Variants in SLC6A6 observed in about 807,000 individuals in gnomAD.
SLC6A6 encodes the protein solute carrier family 6 member 6, also known as sodium- and chloride-dependent taurine transporter.
SLC6A6 carries 16 observed loss-of-function variants against 68.8 expected under a neutral mutation model. That is an observed-to-expected ratio of 0.23 (90% CI 0.16 to 0.35). The LOEUF (loss-of-function observed/expected upper bound fraction) is 0.35. Among genes scored for constraint, SLC6A6 ranks in the 10% least tolerant of loss-of-function variants. The probability of loss-of-function intolerance (pLI) is 1.00; values close to 1 mark genes in which losing one functional copy is unlikely to be tolerated. For synonymous variants in SLC6A6, 312 were observed against 315.4 expected, an observed-to-expected ratio of 0.99 and a Z score of 0.12; for missense variants, 474 against 802.8, an observed-to-expected ratio of 0.59 and a Z score of 4.95.
chr3:14,455,799 A>T (rs1157448513), intron 5 of SLC6A6, among the ~76,000 whole-genome samples: 1 of 151,962 alleles, frequency 6.6e-6, no homozygotes, highest in African/African-American at 2.4e-5. Context: ...GGCAGGCGCC[A>T]GATCCACATG....
intron 10 of SLC6A6, among the ~76,000 whole-genome samples, chr3:14,476,804 A>C (rs562083533): frequency 3.3e-5 from 5 of 152,372 alleles, no homozygotes; most frequent in African/African-American, 1.2e-4. Flanking sequence ...GGAGGTTGTC[A>C]TGGCAACACA....
In SLC6A6 at chr3:14,472,252, C is replaced by T; in HGVS notation, c.1144C>T (p.Pro382Ser). The stretch of plus-strand genomic sequence containing the variant: ...CTACCCAAAAGCTGTGACAATGATG[C>T]CGCTGCCCACATTTTGGTCCATTCT... ...IAYPKAVTMM[P>S]LPTFWSILFF... is the part of the protein sequence containing the mutation. The change falls in exon 10 of 15, where the codon CCG becomes TCG. Residue 382 changes from proline to serine, a missense_variant. Pro to Ser is a moderately conservative substitution (Grantham distance 74). Transcript: ENST00000622186. The surrounding 1 kb of genome is among the most constrained non-coding windows in gnomAD (Gnocchi z 4.5). 1 of 1,613,890 alleles carries T rather than the reference C, an allele frequency of 6.2e-7. No homozygotes were observed. The highest frequency in any genetic ancestry group is 1.7e-5 in the Admixed American group (1 of 60,024).
chr3:14,411,245 G>A (rs1026707715), intron 1 of SLC6A6: 4 of 152,318 alleles, frequency 2.6e-5, no homozygotes, highest in South Asian at 2.1e-4. Flanking sequence ...CAGCGTTCAC[G>A]CTCACCTACC....
chr3:14,425,245 TCAC>T (rs1699568229), intron 2 of SLC6A6, among the ~76,000 whole-genome samples: 1 of 152,180 alleles, frequency 6.6e-6, no homozygotes, highest in Non-Finnish European at 1.5e-5. Flanking sequence ...ATTCCTGAGG[TCAC>T]CACTTGCAGC....
At chr3:14,451,753 T>C (rs968280528) in intron 5 of SLC6A6, among the ~76,000 whole-genome samples, 2 of 152,200 alleles carry the variant, frequency 1.3e-5, no homozygotes, top group African/African-American at 4.8e-5. Context: ...GTGAAACTTA[T>C]CTGAATCCCC....
chr3:14,458,102 GT>G lies in SLC6A6; in HGVS notation c.732+21del. The G allele has an allele frequency of 6.8e-6, 11 of 1,610,050 alleles. No homozygotes were observed. Among genetic ancestry groups the G allele is most frequent in the Non-Finnish European group, 9.4e-6 (11 of 1,176,448 alleles). ...GGGAAGGTAAGTTGGACTTCTGTCC[GT>G]CCCCTGCCTCCTGGAGAGCTGTGCC... is the stretch of plus-strand genomic sequence containing the variant. On this transcript the variant is annotated intron_variant, in intron 6 of 14. Coordinates refer to ENST00000622186, the MANE Select transcript of SLC6A6 (RefSeq NM_003043.6).
chr3:14,432,142 A>AGG lies in SLC6A6; in HGVS notation c.-11-11480_-11-11479dup, dbSNP rs796980737. ...GTATCCTTCCAGTTTCTATAGAGCA[A>AGG]GGGAGGGGCTGCCCTCTGCTTTTCA... On this transcript the variant is annotated intron_variant, in intron 2 of 14. Transcript: ENST00000622186. Among the ~76,000 whole-genome samples the AGG allele has an allele frequency of 1.6e-4, 24 of 152,328 alleles. 1 individual carries two copies. Among genetic ancestry groups the AGG allele is most frequent in the African/African-American group, 5.8e-4 (24 of 41,580 alleles).
At position 14,431,183 on chromosome 3, in the gene SLC6A6, T is replaced by C. The variant is rs541394588; in HGVS notation, c.-11-12441T>C. Among the ~76,000 whole-genome samples, 437 of 152,326 alleles carry C rather than the reference T, an allele frequency of 2.9e-3. 1 individual carries two copies. Among genetic ancestry groups the C allele is most frequent in the African/African-American group, 9.9e-3 (411 of 41,572 alleles). On this transcript the variant is annotated intron_variant, in intron 2 of 14. Coordinates refer to ENST00000622186, the MANE Select transcript of SLC6A6 (RefSeq NM_003043.6). ...ACTGTGCTCAGATGTTGGGAGCACA[T>C]CCTGGTCCACCCTTCCCCACTGTCC...
At chr3:14,437,994 A>ATTT (rs34038422) in intron 2 of SLC6A6, among the ~76,000 whole-genome samples, 1 of 118,322 alleles carries the variant, frequency 8.5e-6, no homozygotes, top group Non-Finnish European at 1.7e-5. Context: ...CATCTGGCTA[A>ATTT]TTTTTTTTTT....
At chr3:14,482,283 T>G (rs1194109070) in intron 14 of SLC6A6, among the ~76,000 whole-genome samples, 1 of 152,194 alleles carries the variant, frequency 6.6e-6, no homozygotes, top group Non-Finnish European at 1.5e-5. Context: ...CCCACCCAGA[T>G]GCCTTCTTTT....
At position 14,413,597 on chromosome 3, in the gene SLC6A6, T is replaced by C. The variant is rs1699299925; in HGVS notation, c.-53-2815T>C. On this transcript the variant is annotated intron_variant, in intron 1 of 14. Transcript: ENST00000622186. ...ACCCCAGACCTTCTCATTTAGACCT[T>C]GGGGGCAGGGCTCCGCATTCTGGGT... 2.0e-5 allele frequency among the ~76,000 whole-genome samples: 3 copies of C among 151,886 alleles called. No individual in the cohort carries two copies. In the South Asian group the frequency reaches 6.2e-4, roughly 32 times the overall value.
At chr3:14,474,843 G>A (rs1215581191) in intron 10 of SLC6A6, among the ~76,000 whole-genome samples, 2 of 152,248 alleles carry the variant, frequency 1.3e-5, no homozygotes, top group Non-Finnish European at 2.9e-5. Context: ...TCCCGCTGAT[G>A]TTATTGCGTC....
intron 2 of SLC6A6, among the ~76,000 whole-genome samples, chr3:14,425,272 A>C (rs1487423220): frequency 6.6e-6 from 1 of 152,214 alleles, no homozygotes; most frequent in Admixed American, 6.5e-5. Context: ...GAAGGGGTGC[A>C]GTGTTAGGTT....
chr3:14,468,625 CAGCG>C lies in SLC6A6; in HGVS notation c.1096+414_1096+417del, dbSNP rs1700680548. On this transcript the variant is annotated intron_variant, in intron 9 of 14. Transcript: ENST00000622186. The surrounding 1 kb of genome is among the most constrained non-coding windows in gnomAD (Gnocchi z 4.5). Reference sequence around the variant, plus strand: ...GTTTCTGTATTTTGCACTTTGCTCCCAGCGTGCTCCCTCTAAGCAGACGCATTCA... The same window carrying C: ...GTTTCTGTATTTTGCACTTTGCTCCCTGCTCCCTCTAAGCAGACGCATTCA... Among the ~76,000 whole-genome samples the C allele has an allele frequency of 6.6e-6, 1 of 152,140 alleles. No homozygotes were observed. Among genetic ancestry groups the C allele is most frequent in the Non-Finnish European group, 1.5e-5 (1 of 68,016 alleles).
chr3:14,428,852 C>CTT (rs1245662456), intron 2 of SLC6A6, among the ~76,000 whole-genome samples: 2 of 152,308 alleles, frequency 1.3e-5, no homozygotes, highest in South Asian at 2.1e-4. Flanking sequence ...GGAAGTCCCA[C>CTT]CTGCTGCCTC....
chr3:14,432,081 C>T (rs1699737349), intron 2 of SLC6A6, among the ~76,000 whole-genome samples: 1 of 152,296 alleles, frequency 6.6e-6, no homozygotes, highest in African/African-American at 2.4e-5. Context: ...CCGGCTCCTG[C>T]ACGTGCACCC....
rs142042236 is a variant in SLC6A6 at position 14,407,595 on chromosome 3, C to G, written c.-54+4748C>G. Among the ~76,000 whole-genome samples the G allele has an allele frequency of 2.4e-4, 36 of 152,026 alleles. No individual in the cohort carries two copies. The East Asian group carries it at 6.6e-3, about 28-fold the overall frequency. ...TGATCTCTACTGCAGCCTCGACCTC[C>G]CCAGTCTCAGATGATCCTCCCACCT... On this transcript the variant is annotated intron_variant, in intron 1 of 14. Transcript: ENST00000622186.
chr3:14,407,338 T>C (rs907820535), intron 1 of SLC6A6, among the ~76,000 whole-genome samples: 6 of 152,162 alleles, frequency 3.9e-5, no homozygotes, highest in Non-Finnish European at 8.8e-5. Flanking sequence ...AATTGAGTTA[T>C]GATTTACATG....
intron 5 of SLC6A6, among the ~76,000 whole-genome samples, chr3:14,448,777 C>A (rs1700190090): frequency 6.6e-6 from 1 of 152,236 alleles, no homozygotes; most frequent in Non-Finnish European, 1.5e-5. Flanking sequence ...TCTTGGGGAA[C>A]TCTTGAGTGA....
Sources: gnomAD v4.1 joint callset for allele counts (sites outside exome capture counted in the v4.1 genomes callset) on GRCh38, gnomAD v4.1.1 for gene constraint, Gnocchi (gnomAD v3.1) non-coding constraint, MANE v1.5 for transcripts, NCBI Gene and HGNC (gene_info 2026-07-23, HGNC 2026-07-21) for gene names.